CNTN4: variants seen among roughly 807,000 people sequenced by gnomAD.
CNTN4 encodes the protein contactin 4, also known as contactin-4.
CNTN4 carries 77 observed loss-of-function variants against 122.5 expected under a neutral mutation model. The observed-to-expected ratio is 0.63, with a 90% CI of 0.52 to 0.76. The LOEUF is 0.76. Ranked by LOEUF, CNTN4 falls within the 30% of genes least tolerant of loss-of-function variation. CNTN4 has a pLI of 0.00. For missense variants in CNTN4, 1,256 were observed against 1,259.1 expected, an observed-to-expected ratio of 1.00 and a Z score of 0.04; for synonymous variants, 512 against 447.0, an observed-to-expected ratio of 1.15 and a Z score of -1.83.
At chr3:2,916,431 C>T (rs961916351) in intron 12 of CNTN4, among the ~76,000 whole-genome samples, 2 of 149,782 alleles carry the variant, frequency 1.3e-5, no homozygotes, top group Admixed American at 6.7e-5. Flanking sequence ...CTTCAAGCAT[C>T]TGTTTAACAA....
chr3:2,998,623 A>G (rs1695751221), intron 14 of CNTN4, among the ~76,000 whole-genome samples: 1 of 152,176 alleles, frequency 6.6e-6, no homozygotes, highest in African/African-American at 2.4e-5. Flanking sequence ...CAGGGAATTG[A>G]AATATGAGTA....
chr3:2,448,094 A>G (rs977248057), intron 3 of CNTN4, among the ~76,000 whole-genome samples: 1 of 152,160 alleles, frequency 6.6e-6, no homozygotes, highest in Non-Finnish European at 1.5e-5. Flanking sequence ...GCCTGGTGGG[A>G]TCATGGACAC....
chr3:3,009,640 A>G (rs1362595275), intron 14 of CNTN4, among the ~76,000 whole-genome samples: 3 of 152,050 alleles, frequency 2.0e-5, no homozygotes, highest in Non-Finnish European at 4.4e-5. Flanking sequence ...TCACCGTGTT[A>G]GCCAGGATGG....
At chr3:2,513,481 C>T (rs538194259) in intron 3 of CNTN4, among the ~76,000 whole-genome samples, 26 of 148,696 alleles carry the variant, frequency 1.7e-4, no homozygotes, top group Admixed American at 6.0e-4. Flanking sequence ...AAATAGTGTT[C>T]TTTTGAGTTT....
chr3:2,233,845 G>A (rs1330183861), intron 2 of CNTN4, among the ~76,000 whole-genome samples: 1 of 152,196 alleles, frequency 6.6e-6, no homozygotes, highest in Non-Finnish European at 1.5e-5. Flanking sequence ...TTTGAGCCCA[G>A]TGAATTTTCC....
chr3:3,029,252 C>CA lies in CNTN4; in HGVS notation c.1663-1596dup, dbSNP rs141714946. ...TAACATCTTGGACATGTCTGTTTCA[C>CA]AAAAAAATGGATCATGGCTGTCAGT... is the stretch of plus-strand genomic sequence containing the variant. On this transcript the variant is annotated intron_variant, in intron 15 of 24. Coordinates refer to ENST00000418658, the MANE Select transcript of CNTN4 (RefSeq NM_175607.3). Among the ~76,000 whole-genome samples, 1,074 of 152,150 alleles carry CA rather than the reference C, an allele frequency of 7.1e-3. 19 individuals are homozygous for CA. Among genetic ancestry groups the CA allele is most frequent in the African/African-American group, 0.025 (1,036 of 41,510 alleles).
chr3:2,330,194 A>G (rs1050238531), intron 2 of CNTN4, among the ~76,000 whole-genome samples: 8 of 152,230 alleles, frequency 5.3e-5, no homozygotes, highest in African/African-American at 1.9e-4. Flanking sequence ...AATAAAGGAT[A>G]TTATAAAGAA....
At chr3:2,951,957 C>G (rs1454796495) in intron 13 of CNTN4, among the ~76,000 whole-genome samples, 1 of 152,200 alleles carries the variant, frequency 6.6e-6, no homozygotes, top group African/African-American at 2.4e-5. Context: ...ACAGACTGAA[C>G]ATCAGCTACA....
rs755374986 is a variant in CNTN4 at position 3,040,091 on chromosome 3, C to T, written c.2218C>T (p.Arg740Trp). 12 of 1,614,184 alleles carry T rather than the reference C, an allele frequency of 7.4e-6. No individual in the cohort carries two copies. Among genetic ancestry groups the T allele is most frequent in the African/African-American group, 2.7e-5 (2 of 75,066 alleles). Residue 740 changes from arginine (R) to tryptophan (W), a missense_variant, in exon 20 of 25, where the codon CGG becomes TGG. Transcript: ENST00000418658. Reference sequence around the variant, plus strand: ...AGGCTTTGGTTATGTGGTGGCCTTCCGGCCCTACGGTAAAATGATCTGGAT... The same window carrying T: ...AGGCTTTGGTTATGTGGTGGCCTTCTGGCCCTACGGTAAAATGATCTGGAT... ...GRGFGYVVAF[R>W]PYGKMIWMLT...
chr3:2,708,727 T>TCTCACACACACA (rs1214979217), intron 4 of CNTN4, among the ~76,000 whole-genome samples: 93 of 151,008 alleles, frequency 6.2e-4, no homozygotes, highest in African/African-American at 2.2e-3. Flanking sequence ...CACGCGCGCA[T>TCTCACACACACA]CACACACACA....
At chr3:2,669,074 A>C (rs921478884) in intron 4 of CNTN4, among the ~76,000 whole-genome samples, 1 of 152,128 alleles carries the variant, frequency 6.6e-6, no homozygotes, top group African/African-American at 2.4e-5. Context: ...TGTCTCTGCC[A>C]GGCTTTGGTA....
At chr3:2,716,925 A>G (rs2087530483) in intron 4 of CNTN4, among the ~76,000 whole-genome samples, 1 of 152,182 alleles carries the variant, frequency 6.6e-6, no homozygotes, top group African/African-American at 2.4e-5. Flanking sequence ...AATATTTTCA[A>G]GATTCATCTC....
intron 7 of CNTN4, among the ~76,000 whole-genome samples, chr3:2,863,794 T>C (rs2093695216): frequency 1.3e-5 from 2 of 152,160 alleles, no homozygotes; most frequent in Admixed American, 1.3e-4. Context: ...TTGCCAGTCC[T>C]GAAAGAAAAA....
chr3:2,301,250 G>A (rs986831065), intron 2 of CNTN4, among the ~76,000 whole-genome samples: 3 of 152,124 alleles, frequency 2.0e-5, no homozygotes, highest in Non-Finnish European at 2.9e-5. Flanking sequence ...TGATGGGGAG[G>A]AAAACAAAAA....
At chr3:2,667,952 T>A (rs974674592) in intron 4 of CNTN4, among the ~76,000 whole-genome samples, 4 of 152,122 alleles carry the variant, frequency 2.6e-5, no homozygotes, top group African/African-American at 9.7e-5. Context: ...TTGGTCTATA[T>A]GTCTGTTTTG....
rs546277225 is a variant in CNTN4, at chr3:2,600,973, G to T, written c.55+29415G>T. ...CCAGTGATGATGAGCATTTTTTCAT[G>T]TGTCTGTTGGCTGCATAAATGTCTT... On this transcript the variant is annotated intron_variant, in intron 4 of 24. Coordinates refer to ENST00000418658, the MANE Select transcript of CNTN4 (RefSeq NM_175607.3). Among the ~76,000 whole-genome samples, 945 of 152,222 alleles carry T rather than the reference G, an allele frequency of 6.2e-3. 8 individuals carry two copies. Among genetic ancestry groups the T allele is most frequent in the African/African-American group, 0.021 (879 of 41,524 alleles).
At chr3:2,890,181 A>G (rs1366874409) in intron 10 of CNTN4, among the ~76,000 whole-genome samples, 2 of 152,208 alleles carry the variant, frequency 1.3e-5, no homozygotes, top group Admixed American at 6.5e-5. Context: ...CATCTAGCAC[A>G]TCAGTGACAA....
chr3:2,824,170 A>AC (rs2092936294), intron 7 of CNTN4, among the ~76,000 whole-genome samples: 1 of 151,748 alleles, frequency 6.6e-6, no homozygotes, highest in African/African-American at 2.4e-5. Flanking sequence ...AAAAAAAAAA[A>AC]AAAACAGGCC....
intron 7 of CNTN4, among the ~76,000 whole-genome samples, chr3:2,848,938 C>T (rs1382389469): frequency 6.6e-6 from 1 of 152,112 alleles, no homozygotes; most frequent in Non-Finnish European, 1.5e-5. Flanking sequence ...TACTAAGAGT[C>T]GGGGAGAAAT....
Sources: allele counts gnomAD v4.1 joint callset (sites outside exome capture counted in the v4.1 genomes callset), GRCh38; gene constraint gnomAD v4.1.1; transcripts MANE v1.5; gene names NCBI Gene and HGNC (gene_info 2026-07-23, HGNC 2026-07-21).